The following TFEC variants were observed in gnomAD, a reference collection of about 807,000 sequenced individuals.
The protein encoded by TFEC is transcription factor EC, also known as class E basic helix-loop-helix protein 34.
A neutral mutation model predicts 41.6 loss-of-function variants in TFEC; 31 were observed. The ratio of observed to expected loss-of-function variants is 0.74; its 90% CI spans 0.56 to 1.01. TFEC has a LOEUF of 1.01. Ranked by LOEUF, TFEC falls within the 50% of genes least tolerant of loss-of-function variation. The pLI is 0.00. For synonymous variants in TFEC, 143 were observed against 140.6 expected (o/e 1.02, Z -0.12); for missense variants, 402 against 404.1 (o/e 0.99, Z 0.04).
chr7:116,121,886 A>G (rs1335777285), intron 1 of TFEC, among the ~76,000 whole-genome samples: 2 of 152,046 alleles, frequency 1.3e-5, no homozygotes, highest in Non-Finnish European at 2.9e-5. Context: ...ATAAATCAGT[A>G]AAATAAAAAA....
intron 3 of TFEC, chr7:115,968,368 AC>A: frequency 2.9e-6 from 4 of 1,370,272 alleles, no homozygotes; most frequent in Non-Finnish European, 3.8e-6. Context: ...ATTGTGATTG[AC>A]AAAAGCTTGC....
At chr7:116,033,546 C>T (rs1795837772), upstream of TFEC, among the ~76,000 whole-genome samples, 1 of 152,014 alleles carries the variant, frequency 6.6e-6, no homozygotes, top group African/African-American at 2.4e-5. Context: ...CTGCCATTCT[C>T]CATCCTCCAT....
intron 3 of TFEC, among the ~76,000 whole-genome samples, chr7:116,051,048 C>G (rs1056751332): frequency 2.0e-5 from 3 of 152,050 alleles, no homozygotes; most frequent in African/African-American, 7.2e-5. Context: ...ATTGCAAGGA[C>G]AGAAAACCAA....
At chr7:115,960,679 C>A (rs535931892) in intron 3 of TFEC, among the ~76,000 whole-genome samples, 2 of 151,366 alleles carry the variant, frequency 1.3e-5, no homozygotes, top group Non-Finnish European at 3.0e-5. Flanking sequence ...GAAAACATAT[C>A]AATAATAATA....
chr7:116,076,530 C>T lies in TFEC; in HGVS notation c.198+34178G>A, dbSNP rs573795532. Among the ~76,000 whole-genome samples, 88 of 151,906 alleles carry T rather than the reference C, an allele frequency of 5.8e-4. 1 individual carries two copies. Among genetic ancestry groups the T allele is most frequent in the African/African-American group, 2.1e-3 (85 of 41,420 alleles). On this transcript the variant is annotated intron_variant, in intron 3 of 8. Transcript: ENST00000484212. ...ACTCAAAAAAATCAAAAACATGATA[C>T]AGGATATGAAGGGAAAAATCTTCAG...
At chr7:116,017,654 A>T (rs1052107489) in intron 1 of TFEC, among the ~76,000 whole-genome samples, 1 of 152,126 alleles carries the variant, frequency 6.6e-6, no homozygotes, top group Non-Finnish European at 1.5e-5. Context: ...GTCTAGCCAT[A>T]CTGGACTTTT....
chr7:115,936,426 C>T lies in TFEC; in HGVS notation c.*4125G>A, dbSNP rs1277207206. 6.6e-6 allele frequency: 1 copy of T among 151,566 alleles called. No homozygotes were observed. The allele number at this position is 151,566 out of a possible 1,614,324, so 9.4% of individuals were successfully genotyped here. A position where few individuals can be genotyped will look rare whatever the true frequency, so the allele number is the denominator to read the frequency against. ...CAGATGGTTGATCTTGCGCTGATAACACAGTGAAATAATTAATTGATTCCA... is the reference window on the plus strand; with the variant it reads ...CAGATGGTTGATCTTGCGCTGATAATACAGTGAAATAATTAATTGATTCCA... On this transcript the variant is annotated 3_prime_UTR_variant, in exon 8 of 8. Transcript: ENST00000265440.
At chr7:116,150,517 A>AAAAAT (rs1275248029) in intron 1 of TFEC, among the ~76,000 whole-genome samples, 1 of 152,096 alleles carries the variant, frequency 6.6e-6, no homozygotes, top group Non-Finnish European at 1.5e-5. Context: ...TGGCATTAAA[A>AAAAAT]AAAATAAAAT....
At chr7:116,088,214 G>GCC (rs1797243913) in intron 3 of TFEC, among the ~76,000 whole-genome samples, 1 of 152,002 alleles carries the variant, frequency 6.6e-6, no homozygotes, top group Non-Finnish European at 1.5e-5. Context: ...TCAAAGAGTG[G>GCC]ATTGGACAAC....
chr7:116,063,371 C>T (rs1233512421), intron 3 of TFEC, among the ~76,000 whole-genome samples: 2 of 152,062 alleles, frequency 1.3e-5, no homozygotes, highest in Non-Finnish European at 2.9e-5. Flanking sequence ...AATCCCAGCA[C>T]TTTGAGAGGC....
At chr7:116,115,055 ATT>A (rs1797949634) in intron 1 of TFEC, among the ~76,000 whole-genome samples, 1 of 152,006 alleles carries the variant, frequency 6.6e-6, no homozygotes, top group Admixed American at 6.6e-5. Flanking sequence ...TCCTTTGTTA[ATT>A]AACCTTCCCT....
At chr7:116,100,718 C>T (rs544222361) in intron 3 of TFEC, among the ~76,000 whole-genome samples, 9 of 152,132 alleles carry the variant, frequency 5.9e-5, no homozygotes, top group African/African-American at 2.2e-4. Flanking sequence ...GACACGGCTG[C>T]CACAAGGGAG....
chr7:116,109,826 A>G (rs1398884811), intron 3 of TFEC, among the ~76,000 whole-genome samples: 1 of 152,232 alleles, frequency 6.6e-6, no homozygotes, highest in Non-Finnish European at 1.5e-5. Context: ...GAACCAACCC[A>G]AATGTCCATC....
intron 3 of TFEC, among the ~76,000 whole-genome samples, chr7:116,051,435 C>G (rs1341703071): frequency 6.6e-6 from 1 of 152,180 alleles, no homozygotes; most frequent in Non-Finnish European, 1.5e-5. Flanking sequence ...GGAAGTCTGG[C>G]TGAAGTCGAA....
At chr7:116,041,295 A>G (rs1160339001) in intron 3 of TFEC, among the ~76,000 whole-genome samples, 1 of 151,314 alleles carries the variant, frequency 6.6e-6, no homozygotes, top group Non-Finnish European at 1.5e-5. Flanking sequence ...AAAAAAAAAG[A>G]AAAAAAAAGT....
chr7:116,039,501 T>C (rs1795985203), intron 3 of TFEC, among the ~76,000 whole-genome samples: 1 of 151,686 alleles, frequency 6.6e-6, no homozygotes, highest in Non-Finnish European at 1.5e-5. Flanking sequence ...TCAAGATATA[T>C]GCCAAAAGCA....
intron 1 of TFEC, among the ~76,000 whole-genome samples, chr7:116,024,686 C>T (rs1401591566): frequency 1.3e-5 from 2 of 152,128 alleles, no homozygotes; most frequent in Non-Finnish European, 2.9e-5. Flanking sequence ...AAAATGACTG[C>T]TACTCAAGCA....
intron 1 of TFEC, among the ~76,000 whole-genome samples, chr7:116,138,076 C>T (rs1798468569): frequency 6.6e-6 from 1 of 152,080 alleles, no homozygotes; most frequent in Admixed American, 6.6e-5. Context: ...ACACAACATT[C>T]ATTTCTGCTA....
intron 2 of TFEC, among the ~76,000 whole-genome samples, chr7:115,982,913 C>T (rs1389051191): frequency 2.6e-5 from 4 of 152,052 alleles, no homozygotes; most frequent in African/African-American, 9.7e-5. Context: ...TTTTAGAGTA[C>T]ATATTTTATA....
Sources: gnomAD v4.1 joint callset for allele counts (sites outside exome capture counted in the v4.1 genomes callset) on GRCh38, gnomAD v4.1.1 for gene constraint, MANE v1.5 for transcripts, NCBI Gene and HGNC (gene_info 2026-07-23, HGNC 2026-07-21) for gene names.